CMIP: variants seen among roughly 807,000 people sequenced by gnomAD.
CMIP encodes the protein c-Maf inducing protein.
Under a neutral mutation model 97.3 loss-of-function variants are expected in CMIP, and 13 were observed. The ratio of observed to expected loss-of-function variants is 0.13; its 90% confidence interval spans 0.09 to 0.21. CMIP has a LOEUF of 0.21. Among genes scored for constraint, CMIP ranks in the 10% least tolerant of loss-of-function variants. The pLI, the probability that CMIP is intolerant of heterozygous loss-of-function variation, is 1.00. For synonymous variants in CMIP, 538 were observed against 436.3 expected, an observed-to-expected ratio of 1.23 and a Z score of -2.91; for missense variants, 847 against 1,024.9, an observed-to-expected ratio of 0.83 and a Z score of 2.37.
In CMIP at chr16:81,710,353, A is replaced by G. The variant is rs1444261221; in HGVS notation, c.*554A>G. The G allele has an allele frequency of 6.4e-6, 1 of 157,470 alleles. No homozygotes were observed. The highest frequency in any genetic ancestry group is 6.0e-5 in the Admixed American group (1 of 16,690). The allele number at this position is 157,470 out of a possible 1,614,324, so 9.8% of individuals were successfully genotyped here. A position where few individuals can be genotyped will look rare whatever the true frequency, so the allele number is the denominator to read the frequency against. On this transcript the variant is annotated 3_prime_UTR_variant, in exon 21 of 21. Coordinates refer to ENST00000537098, the MANE Select transcript of CMIP (RefSeq NM_198390.3). The stretch of plus-strand genomic sequence containing the variant: ...TTTAAATAATGCACCTATTTAAGAC[A>G]TGTTGACAAATTGCGGGTCTGGGAC...
chr16:81,710,521 A>C lies in CMIP; in HGVS notation c.*722A>C, dbSNP rs1021630676. ...TATTGTTATTTTTTTAAAGGAAACA[A>C]ACAGACAACAAAAAGAAGAAAAAAA... On this transcript the variant is annotated 3_prime_UTR_variant, in exon 21 of 21. Transcript: ENST00000537098. 6.6e-6 allele frequency: 1 copy of C among 151,080 alleles called. No individual in the cohort carries two copies. The highest frequency in any genetic ancestry group is 2.4e-5 in the African/African-American group (1 of 41,226). 9.4% of individuals were successfully genotyped at this position (151,080 alleles called of 1,614,324 possible).
chr16:81,494,722 C>G (rs569092050), intron 1 of CMIP, among the ~76,000 whole-genome samples: 67 of 152,336 alleles, frequency 4.4e-4, no homozygotes, highest in African/African-American at 1.6e-3. Flanking sequence ...AAAGCCTGTG[C>G]TCTTTCGACT....
chr16:81,471,431 C>T (rs1907542094), intron 1 of CMIP, among the ~76,000 whole-genome samples: 1 of 151,784 alleles, frequency 6.6e-6, no homozygotes, highest in African/African-American at 2.4e-5. Flanking sequence ...TGTACATGCA[C>T]ATACATTTGT....
At chr16:81,561,840 A>G (rs1345143057) in intron 1 of CMIP, among the ~76,000 whole-genome samples, 1 of 152,240 alleles carries the variant, frequency 6.6e-6, no homozygotes, top group Non-Finnish European at 1.5e-5. Context: ...TACATTTCAG[A>G]TGCTCAGTAG....
intron 10 of CMIP, among the ~76,000 whole-genome samples, chr16:81,688,608 A>G (rs919045722): frequency 3.9e-5 from 6 of 152,204 alleles, no homozygotes; most frequent in African/African-American, 1.2e-4. Flanking sequence ...TCTCCGTGAC[A>G]TCGGAGCTGC....
intron 1 of CMIP, among the ~76,000 whole-genome samples, chr16:81,467,938 G>A (rs1371915234): frequency 6.8e-6 from 1 of 147,324 alleles, no homozygotes; most frequent in Non-Finnish European, 1.5e-5. Flanking sequence ...CCAGGCTGGA[G>A]TACGGTGATG....
chr16:81,514,686 A>C (rs1443155568), intron 1 of CMIP, among the ~76,000 whole-genome samples: 3 of 152,032 alleles, frequency 2.0e-5, no homozygotes, highest in Non-Finnish European at 4.4e-5. Flanking sequence ...CACCCCTTAT[A>C]ACCTGGGTCC....
chr16:81,492,564 TGGGCCTTGCTAGCAGGGCC>T (rs56682366), intron 1 of CMIP, among the ~76,000 whole-genome samples: 32,592 of 151,938 alleles, frequency 0.21, 3,732 homozygotes, highest in East Asian at 0.37. Flanking sequence ...GCTGGCCGGC[TGGGCCTTGCTAGCAGGGCC>T]GGGCCTTGCT....
chr16:81,445,669 G>T, intron 1 of CMIP, 128 bp downstream of exon 1: 1 of 1,052,116 alleles, frequency 9.5e-7, no homozygotes, highest in Non-Finnish European at 1.3e-6. Flanking sequence ...CGGGGGAACG[G>T]GGAGAACCAG....
rs756225581 is a variant in CMIP at position 81,710,179 on chromosome 16, G to T, written c.*380G>T. 5.9e-5 allele frequency: 16 copies of T among 271,926 alleles called. No individual in the cohort carries two copies. Among genetic ancestry groups the T allele is most frequent in the African/African-American group, 3.3e-4 (15 of 45,706 alleles). 16.8% of individuals were successfully genotyped at this position (271,926 alleles called of 1,614,324 possible). On this transcript the variant is annotated 3_prime_UTR_variant, in exon 21 of 21. Transcript: ENST00000537098. Reference sequence around the variant, plus strand: ...GTCAACTCCGATGCCACCATTGCGGGCCGGACGAAGGATGCTTTCTTCCTA... The same window carrying T: ...GTCAACTCCGATGCCACCATTGCGGTCCGGACGAAGGATGCTTTCTTCCTA...
Position 81,660,926 on chromosome 16 carries a change from C to G in CMIP, c.724C>G (p.Leu242Val), listed in dbSNP as rs751837543. The G allele has an allele frequency of 8.1e-6, 13 of 1,613,978 alleles. No individual in the cohort carries two copies. Among genetic ancestry groups the G allele is most frequent in the Non-Finnish European group, 1.1e-5 (13 of 1,179,880 alleles). ...GGAAAACAACCACCCACCACCAGAT[C>G]TCTGTGAATTCTTTTGCAAGGTACG... ...LLENNHPPPD[L>V]CEFFCKHCRE... The change falls in exon 6 of 21, where the codon CTC (leucine) becomes GTC (valine). Residue 242 changes from leucine (L) to valine (V), a missense_variant. Coordinates refer to ENST00000537098, the MANE Select transcript of CMIP (RefSeq NM_198390.3).
chr16:81,688,911 C>T (rs947544154), intron 10 of CMIP, among the ~76,000 whole-genome samples: 27 of 152,134 alleles, frequency 1.8e-4, no homozygotes, highest in African/African-American at 6.0e-4. Context: ...ATGCGGTGTT[C>T]GTTTTCTGTC....
intron 1 of CMIP, among the ~76,000 whole-genome samples, chr16:81,604,668 C>T (rs1479042735): frequency 6.6e-6 from 1 of 152,156 alleles, no homozygotes; most frequent in Non-Finnish European, 1.5e-5. Flanking sequence ...CCACTGCAGT[C>T]CAGCCTGGGC....
intron 1 of CMIP, among the ~76,000 whole-genome samples, chr16:81,587,525 C>G (rs553898194): frequency 1.3e-5 from 2 of 152,324 alleles, no homozygotes; most frequent in Non-Finnish European, 2.9e-5. Flanking sequence ...ATCATCATCC[C>G]CATCACGGTA....
chr16:81,611,895 C>T (rs1597145439), intron 2 of CMIP, among the ~76,000 whole-genome samples: 1 of 152,372 alleles, frequency 6.6e-6, no homozygotes, highest in East Asian at 1.9e-4. Context: ...ACAGAGCAAT[C>T]TACCAGCAGG....
chr16:81,502,607 A>C (rs1179965136), intron 1 of CMIP, among the ~76,000 whole-genome samples: 1 of 152,250 alleles, frequency 6.6e-6, no homozygotes, highest in East Asian at 1.9e-4. Context: ...GGACTCAGAC[A>C]AAAGAAGACA....
At chr16:81,532,145 G>T (rs1177775996) in intron 1 of CMIP, among the ~76,000 whole-genome samples, 5 of 152,206 alleles carry the variant, frequency 3.3e-5, no homozygotes, top group African/African-American at 1.2e-4. Context: ...AAGGTGCCCA[G>T]GTCCGAAGTG....
At position 81,453,321 on chromosome 16, in the gene CMIP, T is replaced by C. The variant is rs1375727687; in HGVS notation, c.300+7780T>C. Among the ~76,000 whole-genome samples the C allele has an allele frequency of 1.3e-5, 2 of 152,184 alleles. No homozygotes were observed. The highest frequency in any genetic ancestry group is 6.5e-5 in the Admixed American group (1 of 15,286). Reference sequence around the variant, plus strand: ...TCTGGATCGTCTGGTCCCTGGTGGATATAGGATTTGAGTGTATGGAATCAA... The same window carrying C: ...TCTGGATCGTCTGGTCCCTGGTGGACATAGGATTTGAGTGTATGGAATCAA... On this transcript the variant is annotated intron_variant, in intron 1 of 20. Coordinates refer to ENST00000537098, the MANE Select transcript of CMIP (RefSeq NM_198390.3). The surrounding 1 kb of genome is among the most constrained non-coding windows in gnomAD (Gnocchi z 4.0).
At chr16:81,494,133 C>T (rs553676449) in intron 1 of CMIP, among the ~76,000 whole-genome samples, 6 of 152,326 alleles carry the variant, frequency 3.9e-5, no homozygotes, top group Admixed American at 6.5e-5. Flanking sequence ...CCTCCAGGCA[C>T]GGTCCTTGCC....
Sources: allele counts gnomAD v4.1 joint callset (sites outside exome capture counted in the v4.1 genomes callset), GRCh38; gene constraint gnomAD v4.1.1; non-coding constraint Gnocchi (gnomAD v3.1); transcripts MANE v1.5; gene names NCBI Gene and HGNC (gene_info 2026-07-23, HGNC 2026-07-21).